Variants in GRIA2 observed in about 807,000 individuals in gnomAD.
GRIA2 encodes the protein glutamate receptor 2.
GRIA2 carries 14 observed loss-of-function variants against 97.3 expected under a neutral mutation model. That is an observed-to-expected ratio of 0.14 (90% CI 0.10 to 0.23). The LOEUF (loss-of-function observed/expected upper bound fraction) is 0.23. GRIA2 is among the 10% of genes least tolerant of loss of function. GRIA2 has a pLI of 1.00. For missense variants in GRIA2, 558 were observed against 1,069.8 expected (o/e 0.52, Z 6.67); for synonymous variants, 412 against 387.8 (o/e 1.06, Z -0.73).
chr4:157,363,531 G>T lies in GRIA2; in HGVS notation c.*100G>T. 1 of 1,237,974 alleles carries T rather than the reference G, an allele frequency of 8.1e-7. No homozygotes were observed. Among genetic ancestry groups the T allele is most frequent in the Non-Finnish European group, 1.0e-6 (1 of 989,900 alleles). The allele number at this position is 1,237,974 out of a possible 1,614,324, so 76.7% of individuals were successfully genotyped here. ...TGTTATGACTCCAGAATTTCCCAAA[G>T]CAGTGCATGCTGTCCCTTACGTGAG... On this transcript the variant is annotated 3_prime_UTR_variant, in exon 16 of 16. Transcript: ENST00000264426.
At chr4:157,294,943 C>G (rs1200215261) in intron 2 of GRIA2, among the ~76,000 whole-genome samples, 1 of 152,112 alleles carries the variant, frequency 6.6e-6, no homozygotes, top group Non-Finnish European at 1.5e-5. Context: ...GGAGAAAATA[C>G]GTATCCCAAA....
chr4:157,305,649 C>T (rs1733810028), intron 3 of GRIA2, among the ~76,000 whole-genome samples: 1 of 152,070 alleles, frequency 6.6e-6, no homozygotes, highest in South Asian at 2.1e-4. Flanking sequence ...CTTCAAATCT[C>T]TGCCTGTATC....
At chr4:157,348,876 T>C (rs774951703) in intron 12 of GRIA2, among the ~76,000 whole-genome samples, 12 of 152,320 alleles carry the variant, frequency 7.9e-5, no homozygotes, top group Non-Finnish European at 5.9e-5. Context: ...CATTTTACTG[T>C]GGCTAGCATC....
intron 2 of GRIA2, among the ~76,000 whole-genome samples, chr4:157,301,710 A>C (rs1733622292): frequency 6.6e-6 from 1 of 152,184 alleles, no homozygotes; most frequent in Non-Finnish European, 1.5e-5. Context: ...TTTGTGAAGT[A>C]AATACAATGA....
intron 2 of GRIA2, among the ~76,000 whole-genome samples, chr4:157,256,352 C>T (rs1731273558): frequency 6.9e-6 from 1 of 144,262 alleles, no homozygotes; most frequent in African/African-American, 2.6e-5. Context: ...GAGGTTTCCA[C>T]TCTCACTGTT....
At chr4:157,226,638 G>T (rs1012861541) in intron 2 of GRIA2, among the ~76,000 whole-genome samples, 4 of 151,926 alleles carry the variant, frequency 2.6e-5, no homozygotes, top group African/African-American at 9.7e-5. Flanking sequence ...AGACTTTATT[G>T]CACTTGGATG....
intron 2 of GRIA2, among the ~76,000 whole-genome samples, chr4:157,253,360 AC>A (rs1731099133): frequency 6.6e-6 from 1 of 151,920 alleles, no homozygotes. Flanking sequence ...CAAGGGATCT[AC>A]CCACCTTGGC....
chr4:157,231,552 C>G (rs1276758037), intron 2 of GRIA2, among the ~76,000 whole-genome samples: 1 of 152,030 alleles, frequency 6.6e-6, no homozygotes, highest in Non-Finnish European at 1.5e-5. Flanking sequence ...AAAAGCCATC[C>G]TTGAAAATTA....
At chr4:157,298,308 G>A (rs1286000783) in intron 2 of GRIA2, among the ~76,000 whole-genome samples, 1 of 151,980 alleles carries the variant, frequency 6.6e-6, no homozygotes, top group Non-Finnish European at 1.5e-5. Flanking sequence ...GTGCATAGTA[G>A]GTTCTTAAAA....
chr4:157,229,246 C>T (rs1249420683), intron 2 of GRIA2, among the ~76,000 whole-genome samples: 2 of 151,974 alleles, frequency 1.3e-5, no homozygotes, highest in African/African-American at 4.8e-5. Flanking sequence ...GTTTATGTTT[C>T]GGGTTTGTTT....
intron 7 of GRIA2, 21 bp downstream of exon 7, chr4:157,333,007 G>T: frequency 2.4e-5 from 37 of 1,564,176 alleles, no homozygotes; most frequent in Non-Finnish European, 3.1e-5. Context: ...CAAAATAATC[G>T]TTAACGTGAC....
At position 157,221,106 on chromosome 4, in the gene GRIA2, G is replaced by A; in HGVS notation, c.64G>A (p.Val22Ile). Reference sequence around the variant, plus strand: ...TGTTTTATGGGGACTGATTTTTGGTGTCTCTTCTAACAGCATACAGATAGG... The same window carrying A: ...TGTTTTATGGGGACTGATTTTTGGTATCTCTTCTAACAGCATACAGATAGG... ...SPVLWGLIFG[V>I]SSNSIQIGGL... Residue 22 changes from valine (V) to isoleucine (I), a missense_variant, in exon 1 of 16, where the codon GTC (valine) becomes ATC (isoleucine). Coordinates refer to ENST00000264426, the MANE Select transcript of GRIA2 (RefSeq NM_001083619.3). The A allele has an allele frequency of 3.8e-6, 6 of 1,569,484 alleles. No homozygotes were observed. The South Asian group carries it at 6.7e-5, about 17-fold the overall frequency.
intron 3 of GRIA2, among the ~76,000 whole-genome samples, chr4:157,304,921 A>G (rs958800457): frequency 5.3e-5 from 8 of 152,148 alleles, no homozygotes; most frequent in African/African-American, 1.7e-4. Flanking sequence ...GGGAATGAGA[A>G]CACTCAGTGG....
intron 2 of GRIA2, among the ~76,000 whole-genome samples, chr4:157,279,207 T>C (rs1732484995): frequency 6.6e-6 from 1 of 152,178 alleles, no homozygotes; most frequent in Non-Finnish European, 1.5e-5. Flanking sequence ...ACAACCAAGA[T>C]GTCCTTCAGT....
intron 2 of GRIA2, among the ~76,000 whole-genome samples, chr4:157,294,309 A>C (rs1365282041): frequency 1.3e-5 from 2 of 151,940 alleles, no homozygotes; most frequent in Non-Finnish European, 2.9e-5. Context: ...CTCTAAAATG[A>C]TTATTTGGAC....
intron 2 of GRIA2, among the ~76,000 whole-genome samples, chr4:157,229,009 C>G (rs1343356108): frequency 2.0e-5 from 3 of 151,976 alleles, no homozygotes; most frequent in African/African-American, 4.8e-5. Flanking sequence ...GTAACTCCCT[C>G]CCTGCCCCCA....
At chr4:157,265,030 C>G (rs1013638246) in intron 2 of GRIA2, among the ~76,000 whole-genome samples, 2 of 152,024 alleles carry the variant, frequency 1.3e-5, no homozygotes, top group Admixed American at 1.3e-4. Flanking sequence ...ATAATTTAAA[C>G]CATGAAGTGT....
chr4:157,257,556 G>T (rs1043846031), intron 2 of GRIA2, among the ~76,000 whole-genome samples: 3 of 152,056 alleles, frequency 2.0e-5, no homozygotes, highest in South Asian at 2.1e-4. Context: ...AAATCTGCAG[G>T]ATTGATTTCA....
At chr4:157,327,195 T>C (rs984373318) in intron 6 of GRIA2, among the ~76,000 whole-genome samples, 3 of 152,282 alleles carry the variant, frequency 2.0e-5, no homozygotes, top group African/African-American at 7.2e-5. Context: ...CTTATTAGCC[T>C]TAAATCTCAC....
Sources: allele counts gnomAD v4.1 joint callset (sites outside exome capture counted in the v4.1 genomes callset), GRCh38; gene constraint gnomAD v4.1.1; transcripts MANE v1.5; gene names NCBI Gene and HGNC (gene_info 2026-07-23, HGNC 2026-07-21).